The following PAPPA variants were observed in gnomAD, a reference collection of about 807,000 sequenced individuals.
PAPPA encodes the protein pappalysin-1.
In PAPPA, 60 loss-of-function variants were observed where a neutral mutation model predicts 164.0. The observed-to-expected ratio is 0.37, with a 90% CI of 0.30 to 0.45. The LOEUF is 0.45. Among genes scored for constraint, PAPPA ranks in the 20% least tolerant of loss-of-function variants. The pLI, the probability that PAPPA is intolerant of heterozygous loss-of-function variation, is 1.00. For synonymous variants in PAPPA, 875 were observed against 814.1 expected (o/e 1.07, Z -1.27); for missense variants, 1,782 against 2,087.3 (o/e 0.85, Z 2.85).
intron 20 of PAPPA, among the ~76,000 whole-genome samples, chr9:116,379,463 G>T (rs574262819): frequency 9.7e-4 from 148 of 152,124 alleles, no homozygotes; most frequent in African/African-American, 3.3e-3. Context: ...TTCCAGTTCT[G>T]GGAATACATT....
chr9:116,235,605 C>T lies in PAPPA; in HGVS notation c.2700C>T (p.Ser900=). ...CTCCTCTCCAGATGGATGTGGCCTC[C>T]ATCCTACATCTCAATAGGAAATTCG... ...RDPPLQMDVA[S]ILHLNRKFVD... The change falls in exon 7 of 22, where the codon TCC becomes TCT. Residue 900 remains serine (S), a synonymous_variant. Transcript: ENST00000328252. 6.2e-7 allele frequency: 1 copy of T among 1,613,304 alleles called. No individual in the cohort carries two copies.
chr9:116,176,005 G>C (rs1277666927), intron 1 of PAPPA, among the ~76,000 whole-genome samples: 1 of 152,150 alleles, frequency 6.6e-6, no homozygotes, highest in African/African-American at 2.4e-5. Flanking sequence ...AAAGATGGCT[G>C]GGTCAAAGAC....
At chr9:116,342,792 G>A (rs987439079) in intron 13 of PAPPA, among the ~76,000 whole-genome samples, 1 of 152,146 alleles carries the variant, frequency 6.6e-6, no homozygotes, top group East Asian at 1.9e-4. Context: ...CGGTGCATAC[G>A]ATAGGCCAGG....
In PAPPA at chr9:116,332,465, C is replaced by A. The variant is rs776309987; in HGVS notation, c.3394C>A (p.Leu1132Ile). Residue 1132 changes from leucine to isoleucine, a missense_variant, in exon 12 of 22, where the codon CTA becomes ATA. Around this residue, in one of 2 missense-constraint regions of PAPPA, gnomAD observed 1,324 missense variants for 1,656.9 expected, o/e 0.80. Coordinates refer to ENST00000328252, the MANE Select transcript of PAPPA (RefSeq NM_002581.5). ...LLDTKDQSHD[L>I]GLHVLSCRNN... ...TGATACCAAAGATCAGAGCCACGAT[C>A]TAGGTAAGCATGCTCTCTTGGTCTT... is the stretch of plus-strand genomic sequence containing the variant. The A allele has an allele frequency of 1.2e-6, 2 of 1,612,596 alleles. No homozygotes were observed. Among genetic ancestry groups the A allele is most frequent in the Non-Finnish European group, 8.5e-7 (1 of 1,178,788 alleles).
chr9:116,366,700 CTA>C lies in PAPPA; in HGVS notation c.4496-942_4496-941del, dbSNP rs921895330. Among the ~76,000 whole-genome samples the C allele has an allele frequency of 1.2e-3, 179 of 152,230 alleles. 1 individual carries two copies. The highest frequency in any genetic ancestry group is 4.0e-3 in the African/African-American group (167 of 41,538). On this transcript the variant is annotated intron_variant, in intron 18 of 21. Coordinates refer to ENST00000328252, the MANE Select transcript of PAPPA (RefSeq NM_002581.5). Reference sequence around the variant, plus strand: ...ATGGGGAGCATGGGTAGTGCTGGCCCTATAGAGTTACAGTCCAGCAGGGAAGA... The same window carrying C: ...ATGGGGAGCATGGGTAGTGCTGGCCCTAGAGTTACAGTCCAGCAGGGAAGA...
chr9:116,320,960 A>G (rs534409189), intron 10 of PAPPA, among the ~76,000 whole-genome samples: 1 of 152,000 alleles, frequency 6.6e-6, no homozygotes, highest in South Asian at 2.1e-4. Flanking sequence ...AAGTTGGAAG[A>G]TTTGAGTTGT....
chr9:116,232,817 G>C (rs909901425), intron 6 of PAPPA, among the ~76,000 whole-genome samples: 12 of 152,180 alleles, frequency 7.9e-5, no homozygotes, highest in African/African-American at 2.9e-4. Flanking sequence ...TTCTACTCCT[G>C]TTTACTTGCT....
Position 116,339,322 on chromosome 9 carries a change from G to A in PAPPA, c.3611+4248G>A, listed in dbSNP as rs76088197. Among the ~76,000 whole-genome samples, 30 of 152,214 alleles carry A rather than the reference G, an allele frequency of 2.0e-4. No homozygotes were observed. The East Asian group carries it at 4.1e-3, about 21-fold the overall frequency. On this transcript the variant is annotated intron_variant, in intron 13 of 21. Coordinates refer to ENST00000328252, the MANE Select transcript of PAPPA (RefSeq NM_002581.5). ...AGGCAACCTTGGACTAGAGCAAAGC[G>A]CTCTGCTCTTTGGCCAGGCACATAC...
chr9:116,228,793 G>A (rs1174247024), intron 6 of PAPPA, among the ~76,000 whole-genome samples: 1 of 152,144 alleles, frequency 6.6e-6, no homozygotes, highest in East Asian at 1.9e-4. Context: ...TCCTCACTGA[G>A]GTTCCCTGGA....
At position 116,154,211 on chromosome 9, in the gene PAPPA, G is replaced by A. The variant is rs1564168059; in HGVS notation, c.39G>A (p.Leu13=). 8.1e-6 allele frequency: 12 copies of A among 1,477,824 alleles called. No individual in the cohort carries two copies. Among genetic ancestry groups the A allele is most frequent in the Non-Finnish European group, 9.0e-6 (10 of 1,114,402 alleles). The allele number at this position is 1,477,824 out of a possible 1,614,324, so 91.5% of individuals were successfully genotyped here. A position where few individuals can be genotyped will look rare whatever the true frequency, so the allele number is the denominator to read the frequency against. The change falls in exon 1 of 22, where the codon CTG becomes CTA. Residue 13 remains leucine, a synonymous_variant. Coordinates refer to ENST00000328252, the MANE Select transcript of PAPPA (RefSeq NM_002581.5). This position sits in a 1 kb window ranked among gnomAD's most constrained non-coding sequence, Gnocchi z 5.2. ...GTTGGGTGCTGCACCTGGGGCTGCT[G>A]AGCGCCGCGCTGGGCTGCGGGCTGG... ...LWSWVLHLGL[L]SAALGCGLAE...
chr9:116,177,026 G>A (rs1843844730), intron 1 of PAPPA, among the ~76,000 whole-genome samples: 1 of 151,378 alleles, frequency 6.6e-6, no homozygotes, highest in South Asian at 2.1e-4. Flanking sequence ...GGCTTTGCAG[G>A]GACATGTAAA....
chr9:116,205,436 G>A (rs1304518079), intron 2 of PAPPA, among the ~76,000 whole-genome samples: 2 of 152,120 alleles, frequency 1.3e-5, no homozygotes, highest in South Asian at 4.2e-4. Flanking sequence ...AACATTTGAT[G>A]GAAATGAACA....
At chr9:116,288,455 C>A (rs1050113793) in intron 9 of PAPPA, among the ~76,000 whole-genome samples, 2 of 133,394 alleles carry the variant, frequency 1.5e-5, no homozygotes, top group Non-Finnish European at 3.2e-5. Context: ...CCCTTCCTTC[C>A]TTCCTTGCTC....
At chr9:116,237,979 A>G (rs1844691017) in intron 7 of PAPPA, among the ~76,000 whole-genome samples, 1 of 152,106 alleles carries the variant, frequency 6.6e-6, no homozygotes, top group South Asian at 2.1e-4. Flanking sequence ...TCAGCCTCCC[A>G]AAGTGCTGGG....
intron 2 of PAPPA, among the ~76,000 whole-genome samples, chr9:116,196,162 A>G (rs1480190987): frequency 6.6e-6 from 1 of 152,138 alleles, no homozygotes; most frequent in African/African-American, 2.4e-5. Context: ...ATATTCTCAA[A>G]GTTTACAGAT....
In PAPPA at chr9:116,382,531, C is replaced by T. The variant is rs1302165610; in HGVS notation, c.4776+38C>T. 5 of 1,245,594 alleles carry T rather than the reference C, an allele frequency of 4.0e-6. 1 individual carries two copies. Among genetic ancestry groups the T allele is most frequent in the South Asian group, 3.6e-5 (3 of 83,828 alleles). The allele number at this position is 1,245,594 out of a possible 1,614,324, so 77.2% of individuals were successfully genotyped here. On this transcript the variant is annotated intron_variant, in intron 21 of 21. Transcript: ENST00000328252. ...GCACTCCTCGGCAGCTGCCTCCTGC[C>T]CACTTCTCCAGCTTGTGGGGCCAGG...
intron 21 of PAPPA, among the ~76,000 whole-genome samples, chr9:116,386,267 T>A (rs1476679721): frequency 2.6e-5 from 4 of 152,158 alleles, no homozygotes; most frequent in Non-Finnish European, 4.4e-5. Flanking sequence ...CAATTTAGAT[T>A]TCCCAGTTTG....
intron 1 of PAPPA, among the ~76,000 whole-genome samples, chr9:116,170,880 TA>T (rs57108450): frequency 0.51 from 75,155 of 148,494 alleles, 19,880 homozygotes; most frequent in Non-Finnish European, 0.61. Flanking sequence ...TGTGAGTTCT[TA>T]AAAAAAAAAA....
Position 116,219,920 on chromosome 9 carries a change from C to G in PAPPA, c.1919-17C>G. 1 of 1,596,656 alleles carries G rather than the reference C, an allele frequency of 6.3e-7. No individual in the cohort carries two copies. The highest frequency in any genetic ancestry group is 1.7e-5 in the Admixed American group (1 of 59,528). ...CCTTGCGGCTTGGTGCTTATCTCTC[C>G]CTCTGCCTGCTTGCAGATGACGACT... On this transcript the variant is annotated splice_polypyrimidine_tract_variant and intron_variant, in intron 4 of 21. Coordinates refer to ENST00000328252, the MANE Select transcript of PAPPA (RefSeq NM_002581.5).
Sources: gnomAD v4.1 joint callset for allele counts (sites outside exome capture counted in the v4.1 genomes callset) on GRCh38, gnomAD v4.1.1 for gene constraint, gnomAD v4.1.1 regional missense constraint, Gnocchi (gnomAD v3.1) non-coding constraint, MANE v1.5 for transcripts, NCBI Gene and HGNC (gene_info 2026-07-23, HGNC 2026-07-21) for gene names.